The following GPR141 variants were observed in gnomAD, a reference collection of about 807,000 sequenced individuals.
The protein encoded by GPR141 is G protein-coupled receptor 141.
A neutral mutation model predicts 6.8 loss-of-function variants in GPR141; 6 were observed. That is an observed-to-expected ratio of 0.88 (90% CI 0.48 to 1.74). The LOEUF is 1.74. Among genes scored for constraint, GPR141 ranks in the 40% most tolerant of loss-of-function variants. GPR141 has a pLI of 0.01. For synonymous variants in GPR141, 140 were observed against 142.3 expected (o/e 0.98, Z 0.11); for missense variants, 372 against 372.9 (o/e 1.00, Z 0.02).
At chr7:37,730,908 T>C (rs1811898766) in intron 2 of GPR141, among the ~76,000 whole-genome samples, 1 of 152,260 alleles carries the variant, frequency 6.6e-6, no homozygotes, top group African/African-American at 2.4e-5. Context: ...CTTTGAACTT[T>C]CCATTTTGTG....
intron 2 of GPR141, among the ~76,000 whole-genome samples, chr7:37,730,831 G>A (rs1023991292): frequency 2.6e-5 from 4 of 152,228 alleles, no homozygotes; most frequent in Admixed American, 6.5e-5. Context: ...TTTCTGAGAA[G>A]CATTTATTAT....
chr7:37,726,777 C>G (rs1272829907), intron 2 of GPR141, among the ~76,000 whole-genome samples: 1 of 152,100 alleles, frequency 6.6e-6, no homozygotes, highest in Non-Finnish European at 1.5e-5. Flanking sequence ...TGATACAATT[C>G]TATTATTTAA....
At chr7:37,697,650 T>C (rs1398166801) in intron 2 of GPR141, among the ~76,000 whole-genome samples, 1 of 152,206 alleles carries the variant, frequency 6.6e-6, no homozygotes, top group African/African-American at 2.4e-5. Context: ...TGAGTCTCAA[T>C]GTACAAATGG....
At chr7:37,725,683 C>A (rs1811593464) in intron 2 of GPR141, among the ~76,000 whole-genome samples, 1 of 152,178 alleles carries the variant, frequency 6.6e-6, no homozygotes, top group East Asian at 1.9e-4. Context: ...GGTTGGTGAA[C>A]CACAATTCAG....
intron 2 of GPR141, among the ~76,000 whole-genome samples, chr7:37,729,138 A>C (rs1440255133): frequency 1.3e-5 from 2 of 152,202 alleles, no homozygotes; most frequent in Non-Finnish European, 2.9e-5. Flanking sequence ...AGCTGAGGCC[A>C]GCTTGCAAAG....
chr7:37,689,538 G>A (rs1562763703), intron 2 of GPR141, among the ~76,000 whole-genome samples: 1 of 152,012 alleles, frequency 6.6e-6, no homozygotes, highest in Non-Finnish European at 1.5e-5. Context: ...TCTTTGATGG[G>A]AGACTTTTTT....
intron 2 of GPR141, chr7:37,709,694 C>T (rs528403142): frequency 2.6e-5 from 4 of 152,298 alleles, no homozygotes; most frequent in Admixed American, 6.5e-5. Flanking sequence ...GGTCACTTTA[C>T]GTTGTCCACA....
At position 37,731,917 on chromosome 7, in the gene GPR141, G is replaced by A. The variant is rs754577551; in HGVS notation, c.-14-8463G>A. Among the ~76,000 whole-genome samples, 15 of 152,178 alleles carry A rather than the reference G, an allele frequency of 9.9e-5. No homozygotes were observed. The South Asian group carries it at 1.0e-3, about 11-fold the overall frequency. ...TTTTAGATGCTGGGGAGCCATCTTG[G>A]GAGTAGGGTGCCCATTACATGAGAT... is the stretch of plus-strand genomic sequence containing the variant. On this transcript the variant is annotated intron_variant, in intron 2 of 2. Transcript: ENST00000334425.
intron 2 of GPR141, among the ~76,000 whole-genome samples, chr7:37,732,987 G>A (rs1211545514): frequency 1.3e-5 from 2 of 152,180 alleles, no homozygotes; most frequent in African/African-American, 2.4e-5. Context: ...CAGGCAGATG[G>A]GTTTGCCTGG....
rs1268633951 is a variant in GPR141, at chr7:37,722,981, T to TC, written c.-14-17398dup. 3.1e-4 allele frequency among the ~76,000 whole-genome samples: 45 copies of TC among 143,300 alleles called. 1 individual carries two copies. The highest frequency in any genetic ancestry group is 1.4e-3 in the Admixed American group (18 of 12,524). The allele number at this position is 143,300 out of a possible 152,430, so 94.0% of individuals were successfully genotyped here. A position where few individuals can be genotyped will look rare whatever the true frequency, so the allele number is the denominator to read the frequency against. ...TTCCTTCCTTCCTTCCTTCCTTCCT[T>TC]CTTTCTTTCTTTCTTTTTTTTTTTT... is the stretch of plus-strand genomic sequence containing the variant. On this transcript the variant is annotated intron_variant, in intron 2 of 2. Coordinates refer to ENST00000334425, the MANE Select transcript of GPR141 (RefSeq NM_001381946.1).
intron 2 of GPR141, among the ~76,000 whole-genome samples, chr7:37,690,538 C>T (rs1351237463): frequency 6.6e-6 from 1 of 152,186 alleles, no homozygotes; most frequent in Non-Finnish European, 1.5e-5. Flanking sequence ...ACTGTAGAGC[C>T]TGCAGAGCCA....
intron 2 of GPR141, among the ~76,000 whole-genome samples, chr7:37,686,162 CTTTT>C (rs35733762): frequency 8.1e-6 from 1 of 123,876 alleles, no homozygotes; most frequent in Non-Finnish European, 1.7e-5. Context: ...CCCTGCCTGC[CTTTT>C]TTTTTTTTTT....
At chr7:37,727,544 A>C (rs1465905814) in intron 2 of GPR141, among the ~76,000 whole-genome samples, 4 of 152,172 alleles carry the variant, frequency 2.6e-5, no homozygotes, top group Non-Finnish European at 2.9e-5. Flanking sequence ...CCCATCTGTT[A>C]GTTCTTTTGT....
Position 37,683,871 on chromosome 7 carries a change from T to C in GPR141, c.-171T>C, listed in dbSNP as rs754897714. The C allele has an allele frequency of 6.6e-6, 1 of 152,254 alleles. No homozygotes were observed. Among genetic ancestry groups the C allele is most frequent in the Non-Finnish European group, 1.5e-5 (1 of 68,052 alleles). The allele number at this position is 152,254 out of a possible 1,614,324, so 9.4% of individuals were successfully genotyped here. A position where few individuals can be genotyped will look rare whatever the true frequency, so the allele number is the denominator to read the frequency against. ...GGAAGGCAGACATGTGGCCCATCTC[T>C]GTAGCCATCACTGAGAAATCTGGAT... On this transcript the variant is annotated 5_prime_UTR_variant, in exon 1 of 3. Transcript: ENST00000334425.
intron 2 of GPR141, among the ~76,000 whole-genome samples, chr7:37,700,809 T>C (rs1290376935): frequency 1.3e-5 from 2 of 152,214 alleles, no homozygotes; most frequent in African/African-American, 4.8e-5. Context: ...AAGTATATTA[T>C]ATATGTAAGA....
Position 37,714,312 on chromosome 7 carries a change from G to A in GPR141, c.-14-26068G>A, listed in dbSNP as rs137860314. Among the ~76,000 whole-genome samples the A allele has an allele frequency of 4.4e-3, 669 of 152,226 alleles. 7 individuals are homozygous for A. Among genetic ancestry groups the A allele is most frequent in the African/African-American group, 0.015 (624 of 41,546 alleles). The stretch of plus-strand genomic sequence containing the variant: ...ATTACTATGTTTAATCATGGTAATC[G>A]AAGGTGTGAGAGTCTATAATTTTGC... On this transcript the variant is annotated intron_variant, in intron 2 of 2. Coordinates refer to ENST00000334425, the MANE Select transcript of GPR141 (RefSeq NM_001381946.1).
chr7:37,711,975 A>G (rs530316906), intron 2 of GPR141, among the ~76,000 whole-genome samples: 1 of 152,346 alleles, frequency 6.6e-6, no homozygotes, highest in African/African-American at 2.4e-5. Context: ...CCTCAAAGTC[A>G]GGGGAGATAC....
chr7:37,687,542 A>G (rs1809565500), intron 2 of GPR141, among the ~76,000 whole-genome samples: 1 of 152,148 alleles, frequency 6.6e-6, no homozygotes. Flanking sequence ...TAGCAGTTCT[A>G]CTGAGGACAT....
intron 2 of GPR141, among the ~76,000 whole-genome samples, chr7:37,732,100 C>T (rs1003168420): frequency 1.4e-5 from 2 of 146,414 alleles, no homozygotes; most frequent in Admixed American, 1.4e-4. Flanking sequence ...ATGTGCACAA[C>T]GTGAAGGAAG....
Sources: gnomAD v4.1 joint callset for allele counts (sites outside exome capture counted in the v4.1 genomes callset) on GRCh38, gnomAD v4.1.1 for gene constraint, MANE v1.5 for transcripts, NCBI Gene and HGNC (gene_info 2026-07-23, HGNC 2026-07-21) for gene names.